The following C3 variants were observed in gnomAD, a reference collection of about 807,000 sequenced individuals.
C3 encodes complement C3.
C3 carries 97 observed loss-of-function variants against 207.9 expected under a neutral mutation model. The observed-to-expected ratio is 0.47, with a 90% confidence interval of 0.40 to 0.55. The LOEUF (loss-of-function observed/expected upper bound fraction) is 0.55, where lower values mean the gene tolerates loss of function less well. Ranked by LOEUF, C3 falls within the 20% of genes least tolerant of loss-of-function variation. C3 has a pLI of 0.00. For missense variants in C3, 1,684 were observed against 2,171.7 expected (o/e 0.78, Z 4.46); for synonymous variants, 848 against 857.6 (o/e 0.99, Z 0.20).
chr19:6,678,783 G>A (rs977158533), intron 38 of C3, among the ~76,000 whole-genome samples: 62 of 151,972 alleles, frequency 4.1e-4, no homozygotes, highest in African/African-American at 1.3e-3. Flanking sequence ...CCATAGCCAC[G>A]GAAAACTACA....
Position 6,719,097 on chromosome 19 carries a change from C to A in C3, c.267+114G>T. On this transcript the variant is annotated intron_variant, in intron 2 of 40. Coordinates refer to ENST00000245907, the MANE Select transcript of C3 (RefSeq NM_000064.4). This position sits in a 1 kb window ranked among gnomAD's most constrained non-coding sequence, Gnocchi z 5.4. ...AGGCGACTCCGAAGGGGTGGAGTCT[C>A]AGGGAAGGGCAGGGCTTAGAAAGGG... 1 of 934,938 alleles carries A rather than the reference C, an allele frequency of 1.1e-6. No homozygotes were observed. Among genetic ancestry groups the A allele is most frequent in the Non-Finnish European group, 1.7e-6 (1 of 586,678 alleles). 57.9% of individuals were successfully genotyped at this position (934,938 alleles called of 1,614,324 possible). A position where few individuals can be genotyped will look rare whatever the true frequency, so the allele number is the denominator to read the frequency against.
In C3 at chr19:6,697,611, C is replaced by G. The variant is rs77063881; in HGVS notation, c.2583+41G>C. Reference sequence around the variant, plus strand: ...TGTGTGTGCAACAGGCTACCTACCCCCTGGCAGCCTCCAAGAAGCCTCTGC... The same window carrying G: ...TGTGTGTGCAACAGGCTACCTACCCGCTGGCAGCCTCCAAGAAGCCTCTGC... On this transcript the variant is annotated intron_variant, in intron 20 of 40. Coordinates refer to ENST00000245907, the MANE Select transcript of C3 (RefSeq NM_000064.4). 4,798 of 1,613,688 alleles carry G rather than the reference C, an allele frequency of 3.0e-3. 72 individuals are homozygous for G. In the East Asian group the frequency reaches 0.044, roughly 15 times the overall value.
chr19:6,679,281 G>T (rs1165222331), intron 37 of C3, 73 bp from the exon 38 acceptor site: 3 of 1,469,112 alleles, frequency 2.0e-6, no homozygotes, highest in African/African-American at 1.4e-5. Flanking sequence ...GGTGTGGCCA[G>T]CCCTGGGAGC....
intron 17 of C3, 56 bp downstream of exon 17, chr19:6,707,020 A>C: frequency 1.3e-6 from 1 of 787,418 alleles, no homozygotes; most frequent in Non-Finnish European, 1.8e-6. Context: ...CTCAGACAGG[A>C]GTCTCCTCCC....
In C3 at chr19:6,718,080, C is replaced by T. The variant is rs1968080291; in HGVS notation, c.504+14G>A. 1 of 1,613,864 alleles carries T rather than the reference C, an allele frequency of 6.2e-7. No individual in the cohort carries two copies. Among genetic ancestry groups the T allele is most frequent in the Non-Finnish European group, 8.5e-7 (1 of 1,179,884 alleles). On this transcript the variant is annotated intron_variant, in intron 4 of 40. Transcript: ENST00000245907. ...TGTGCCCCTGCTTCCCCTGGGGCCC[C>T]CTCTGGCTGGCACCTCAATGTTGAC...
intron 17 of C3, chr19:6,702,934 T>A (rs1389656424): frequency 1.5e-5 from 5 of 326,134 alleles, no homozygotes; most frequent in Non-Finnish European, 3.0e-5. Context: ...CTGTGGAGGC[T>A]GAGGCAGCAG....
chr19:6,697,780 C>G lies in C3; in HGVS notation c.2455G>C (p.Asp819His), dbSNP rs767161615. ...MSDKKGICVA[D>H]PFEVTVMQDF... is the part of the protein sequence containing the mutation. ...TGCATTACTGTGACCTCGAAGGGGT[C>G]TGCCACACAGATCCCTGCTCGGGCA... Residue 819 changes from aspartate (D) to histidine (H), a missense_variant, in exon 20 of 41, where the codon GAC becomes CAC. Physicochemically the swap from Asp to His is moderately conservative, Grantham distance 81 (BLOSUM62 -1). Around this residue, in one of 3 missense-constraint regions of C3, gnomAD observed 1,280 missense variants for 1,739.1 expected, o/e 0.74. Coordinates refer to ENST00000245907, the MANE Select transcript of C3 (RefSeq NM_000064.4). 1.2e-6 allele frequency: 2 copies of G among 1,613,326 alleles called. No homozygotes were observed. The highest frequency in any genetic ancestry group is 1.3e-5 in the African/African-American group (1 of 74,858).
chr19:6,697,825 C>T, intron 19 of C3, 31 bp from the exon 20 acceptor site: 8 of 1,603,166 alleles, frequency 5.0e-6, no homozygotes, highest in Non-Finnish European at 6.8e-6. Context: ...CACGGAGTGT[C>T]AAGGTCGGGG....
chr19:6,701,675 C>A (rs967355095), intron 19 of C3, among the ~76,000 whole-genome samples: 1 of 152,118 alleles, frequency 6.6e-6, no homozygotes, highest in Admixed American at 6.5e-5. Flanking sequence ...CGCCCGCCAC[C>A]CCCTGCCTGG....
Position 6,709,679 on chromosome 19 carries a change from C to T in C3, c.1845+5G>A. The T allele has an allele frequency of 6.2e-7, 1 of 1,612,918 alleles. No homozygotes were observed. Reference sequence around the variant, plus strand: ...TCTCAGCAGCCTTGGGTCACTGGCCCTTACCTTACTCTGCGTCAGTTTGTT... The same window carrying T: ...TCTCAGCAGCCTTGGGTCACTGGCCTTTACCTTACTCTGCGTCAGTTTGTT... On this transcript the variant is annotated splice_donor_5th_base_variant and intron_variant, in intron 14 of 40. Transcript: ENST00000245907.
intron 3 of C3, 29 bp downstream of exon 3, chr19:6,718,218 C>G: frequency 6.2e-7 from 1 of 1,614,140 alleles, no homozygotes; most frequent in Middle Eastern, 1.6e-4. Context: ...CGCCGGTGCC[C>G]CGCCCTCTCC....
chr19:6,709,565 G>A (rs781513813), intron 14 of C3, 119 bp downstream of exon 14: 5 of 1,146,536 alleles, frequency 4.4e-6, no homozygotes, highest in East Asian at 4.7e-5. Context: ...GGTCTGCTCC[G>A]ATCTCTGCTT....
At chr19:6,683,892 G>A (rs1917931641) in intron 33 of C3, among the ~76,000 whole-genome samples, 2 of 152,346 alleles carry the variant, frequency 1.3e-5, no homozygotes, top group South Asian at 4.1e-4. Flanking sequence ...CTAGGAGTTC[G>A]AGACCAGCCT....
At position 6,678,156 on chromosome 19, in the gene C3, G is replaced by C. The variant is rs1917765607; in HGVS notation, c.4846C>G (p.Pro1616Ala). 1.2e-6 allele frequency: 2 copies of C among 1,614,114 alleles called. No homozygotes were observed. The highest frequency in any genetic ancestry group is 3.3e-5 in the Admixed American group (2 of 60,008). ...GLSSDFWGEK[P>A]NLSYIIGKDT... is the part of the protein sequence containing the mutation. Reference sequence around the variant, plus strand: ...ACGCGCAGGGAAAGCACTCACTTGGGCTTCTCTCCCCAGAAATCGGAGGAG... The same window carrying C: ...ACGCGCAGGGAAAGCACTCACTTGGCCTTCTCTCCCCAGAAATCGGAGGAG... The change falls in exon 40 of 41, where the codon CCC becomes GCC. Residue 1616 changes from proline (P) to alanine (A), a missense_variant. Physicochemically the swap from Pro to Ala is conservative, Grantham distance 27. Transcript: ENST00000245907.
Position 6,714,434 on chromosome 19 carries a change from T to C in C3, c.517A>G (p.Ile173Val). 18 of 1,613,460 alleles carry C rather than the reference T, an allele frequency of 1.1e-5. No homozygotes were observed. The highest frequency in any genetic ancestry group is 1.4e-5 in the Non-Finnish European group (16 of 1,179,770). The change falls in exon 5 of 41, where the codon ATC becomes GTC. Residue 173 changes from isoleucine (I) to valine (V), a missense_variant. By Grantham distance (29) the Ile-to-Val change is conservative. Transcript: ENST00000245907. ...GACAAGGAGTCCTGCTTGACCGGGA[T>C]GCCTTCCGGGTTCTGTGGGAGGCAG... Reference protein sequence around the residue: ...VMVNIENPEGIPVKQDSLSSQ... With the variant: ...VMVNIENPEGVPVKQDSLSSQ...
At chr19:6,691,892 TAGG>T (rs1918175958) in intron 26 of C3, among the ~76,000 whole-genome samples, 1 of 151,280 alleles carries the variant, frequency 6.6e-6, no homozygotes, top group Non-Finnish European at 1.5e-5. Context: ...GAGGTTGAGG[TAGG>T]AGAATTGCTT....
chr19:6,692,279 A>AT (rs1918188545), intron 26 of C3, among the ~76,000 whole-genome samples: 1 of 152,172 alleles, frequency 6.6e-6, no homozygotes, highest in Admixed American at 6.5e-5. Flanking sequence ...CAGAATGCAC[A>AT]TTTTTAGTAA....
intron 21 of C3, 35 bp downstream of exon 21, chr19:6,697,309 A>G (rs1967559262): frequency 6.5e-7 from 1 of 1,527,784 alleles, no homozygotes; most frequent in Non-Finnish European, 9.1e-7. Context: ...GCCCTCTCTG[A>G]AGGACAAGGG....
At chr19:6,714,328 C>A (rs765357649) in intron 5 of C3, 24 bp downstream of exon 5, 7 of 1,609,252 alleles carry the variant, frequency 4.3e-6, no homozygotes. Context: ...AGCCCTGAGC[C>A]CCCTCCTCAA....
Sources: gnomAD v4.1 joint callset for allele counts (sites outside exome capture counted in the v4.1 genomes callset) on GRCh38, gnomAD v4.1.1 for gene constraint, gnomAD v4.1.1 regional missense constraint, Gnocchi (gnomAD v3.1) non-coding constraint, MANE v1.5 for transcripts, NCBI Gene and HGNC (gene_info 2026-07-23, HGNC 2026-07-21) for gene names.